KCNIP1: variants seen among roughly 807,000 people sequenced by gnomAD.
KCNIP1 encodes A-type potassium channel modulatory protein KCNIP1.
KCNIP1 carries 18 observed loss-of-function variants against 33.0 expected under a neutral mutation model. That is an observed-to-expected ratio of 0.55 (90% CI 0.38 to 0.81). The LOEUF (loss-of-function observed/expected upper bound fraction) is 0.81, where lower values mean the gene tolerates loss of function less well. Among genes scored for constraint, KCNIP1 ranks in the 30% least tolerant of loss-of-function variants. The probability of loss-of-function intolerance (pLI) is 0.00; values close to 1 mark genes in which losing one functional copy is unlikely to be tolerated. For missense variants in KCNIP1, 238 were observed against 271.6 expected, an observed-to-expected ratio of 0.88 and a Z score of 0.87; for synonymous variants, 93 against 98.3, an observed-to-expected ratio of 0.95 and a Z score of 0.32.
At chr5:170,413,170 G>A (rs372240707) in intron 1 of KCNIP1, among the ~76,000 whole-genome samples, 6 of 152,218 alleles carry the variant, frequency 3.9e-5, no homozygotes, top group African/African-American at 1.4e-4. Flanking sequence ...GAGCACCAGA[G>A]AGCAGACCAA....
intron 1 of KCNIP1, among the ~76,000 whole-genome samples, chr5:170,701,331 G>C (rs770082653): frequency 7.9e-5 from 12 of 152,242 alleles, no homozygotes; most frequent in Non-Finnish European, 1.5e-4. Flanking sequence ...AAATCACCTT[G>C]GGACTTAAAT....
chr5:170,567,622 G>T (rs143095629), intron 1 of KCNIP1, among the ~76,000 whole-genome samples: 3 of 152,188 alleles, frequency 2.0e-5, no homozygotes, highest in African/African-American at 4.8e-5. Context: ...TGAGGCTAGC[G>T]CCAGGGGGAA....
At chr5:170,675,133 G>T (rs1762081704) in intron 1 of KCNIP1, among the ~76,000 whole-genome samples, 1 of 151,700 alleles carries the variant, frequency 6.6e-6, no homozygotes. Context: ...AGATCTCTAT[G>T]TCTAGAATGT....
chr5:170,521,609 A>G (rs1043957450), intron 1 of KCNIP1, among the ~76,000 whole-genome samples: 2 of 152,262 alleles, frequency 1.3e-5, no homozygotes, highest in East Asian at 1.9e-4. Context: ...AATCAAAGTT[A>G]GAAGTCAGGA....
intron 1 of KCNIP1, among the ~76,000 whole-genome samples, chr5:170,357,639 C>T (rs1001285568): frequency 6.6e-6 from 1 of 152,330 alleles, no homozygotes; most frequent in Non-Finnish European, 1.5e-5. Flanking sequence ...AAGCAATCCT[C>T]CCACCTCAGC....
chr5:170,562,465 G>A (rs1486831299), intron 1 of KCNIP1, among the ~76,000 whole-genome samples: 1 of 152,228 alleles, frequency 6.6e-6, no homozygotes, highest in Non-Finnish European at 1.5e-5. Context: ...GAAAGTGCTT[G>A]ATGTGTAGCA....
At chr5:170,620,184 G>C (rs1009809164) in intron 1 of KCNIP1, among the ~76,000 whole-genome samples, 2 of 152,178 alleles carry the variant, frequency 1.3e-5, no homozygotes, top group Non-Finnish European at 2.9e-5. Context: ...TCCCTAGAGA[G>C]CCTTGTAGTG....
chr5:170,435,741 C>T (rs570959982), intron 1 of KCNIP1, among the ~76,000 whole-genome samples: 86 of 152,314 alleles, frequency 5.6e-4, no homozygotes, highest in African/African-American at 2.0e-3. Flanking sequence ...ACCACGTGCA[C>T]GGAGCCCAGC....
At chr5:170,682,860 C>T (rs963277426) in intron 1 of KCNIP1, among the ~76,000 whole-genome samples, 1 of 134,534 alleles carries the variant, frequency 7.4e-6, no homozygotes, top group African/African-American at 2.7e-5. Flanking sequence ...AACTCCTGAC[C>T]TCAGGTCATC....
At chr5:170,355,141 A>G (rs1403624264) in intron 1 of KCNIP1, among the ~76,000 whole-genome samples, 2 of 152,044 alleles carry the variant, frequency 1.3e-5, no homozygotes, top group African/African-American at 4.8e-5. Flanking sequence ...GGATGTTCTG[A>G]CCTTCCTGTT....
intron 1 of KCNIP1, among the ~76,000 whole-genome samples, chr5:170,466,506 G>A (rs145662136): frequency 6.6e-6 from 1 of 152,248 alleles, no homozygotes; most frequent in East Asian, 1.9e-4. Flanking sequence ...AGGATCTAGG[G>A]CCAAGGCTAA....
intron 1 of KCNIP1, among the ~76,000 whole-genome samples, chr5:170,635,642 A>T (rs1486842927): frequency 6.6e-6 from 1 of 152,228 alleles, no homozygotes; most frequent in Non-Finnish European, 1.5e-5. Flanking sequence ...GCCTCCCTGC[A>T]CTGTAAGGGA....
At chr5:170,671,262 T>C (rs1032738209) in intron 1 of KCNIP1, among the ~76,000 whole-genome samples, 2 of 152,178 alleles carry the variant, frequency 1.3e-5, no homozygotes, top group African/African-American at 4.8e-5. Flanking sequence ...CCCAACCTGA[T>C]CTGTCACACA....
At chr5:170,388,855 A>G (rs189706637) in intron 1 of KCNIP1, among the ~76,000 whole-genome samples, 156 of 152,330 alleles carry the variant, frequency 1.0e-3, no homozygotes, top group African/African-American at 3.4e-3. Flanking sequence ...CCTAGCCCCA[A>G]ATCAGCCCCC....
intron 1 of KCNIP1, among the ~76,000 whole-genome samples, chr5:170,717,228 T>G (rs1403578081): frequency 6.6e-6 from 1 of 152,232 alleles, no homozygotes; most frequent in Non-Finnish European, 1.5e-5. Context: ...CATTCTGAAT[T>G]AGACTTATGT....
chr5:170,508,370 C>T (rs568062670), intron 1 of KCNIP1, among the ~76,000 whole-genome samples: 1 of 152,268 alleles, frequency 6.6e-6, no homozygotes, highest in East Asian at 1.9e-4. Flanking sequence ...TCCCGATAGT[C>T]CCATATTTGC....
At chr5:170,480,293 T>C (rs1328055178) in intron 1 of KCNIP1, among the ~76,000 whole-genome samples, 1 of 152,200 alleles carries the variant, frequency 6.6e-6, no homozygotes, top group Non-Finnish European at 1.5e-5. Context: ...AGAAAAATAA[T>C]CTCAGGCCAG....
At chr5:170,367,349 A>AAAATAAAG (rs1763692469) in intron 1 of KCNIP1, among the ~76,000 whole-genome samples, 1 of 76,890 alleles carries the variant, frequency 1.3e-5, no homozygotes, top group Non-Finnish European at 2.5e-5. Context: ...GAAGGAAAGA[A>AAAATAAAG]AAAGAAAGAA....
chr5:170,385,636 G>A (rs1484908189), intron 1 of KCNIP1, among the ~76,000 whole-genome samples: 1 of 152,060 alleles, frequency 6.6e-6, no homozygotes, highest in African/African-American at 2.4e-5. Context: ...CCCCATGTAA[G>A]CCTTCCCTGT....
Sources: allele counts gnomAD v4.1 joint callset (sites outside exome capture counted in the v4.1 genomes callset), GRCh38; gene constraint gnomAD v4.1.1; transcripts MANE v1.5; gene names NCBI Gene and HGNC (gene_info 2026-07-23, HGNC 2026-07-21).